The following MLXIP variants were observed in gnomAD, a reference collection of about 807,000 sequenced individuals.
MLXIP encodes the protein MLX interacting protein, also known as MLX-interacting protein.
In MLXIP, 30 loss-of-function variants were observed where a neutral mutation model predicts 87.2. That is an observed-to-expected ratio of 0.34 (90% confidence interval 0.26 to 0.47). The LOEUF (loss-of-function observed/expected upper bound fraction) is 0.47, where lower values mean the gene tolerates loss of function less well. MLXIP is among the 20% of genes least tolerant of loss of function. The pLI is 1.00. For synonymous variants in MLXIP, 530 were observed against 514.0 expected (o/e 1.03, Z -0.42); for missense variants, 1,002 against 1,240.1 (o/e 0.81, Z 2.88).
chr12:122,101,584 C>T (rs866320255), intron 1 of MLXIP, among the ~76,000 whole-genome samples: 245 of 118,648 alleles, frequency 2.1e-3, no homozygotes, highest in African/African-American at 2.7e-3. Flanking sequence ...CTTTTTTTTT[C>T]TTTTTTTTTT....
In MLXIP at chr12:122,140,946, C is replaced by T. The variant is rs751367081; in HGVS notation, c.2509-8C>T. On this transcript the variant is annotated splice_polypyrimidine_tract_variant and splice_region_variant and intron_variant, in intron 15 of 16. Coordinates refer to ENST00000319080, the MANE Select transcript of MLXIP (RefSeq NM_014938.6). ...CGTGCTTGCCTTTTCTTTAACCACA[C>T]ACTGCAGTTCAGCATCATCATCAAG... The T allele has an allele frequency of 1.2e-6, 2 of 1,614,030 alleles. No homozygotes were observed. Among genetic ancestry groups the T allele is most frequent in the East Asian group, 4.5e-5 (2 of 44,892 alleles).
intron 9 of MLXIP, chr12:122,134,363 TTTTGTTTG>T (rs565479410): frequency 4.6e-6 from 1 of 216,002 alleles, no homozygotes; most frequent in African/African-American, 2.3e-5. Context: ...CTCGGCTAAT[TTTTGTTTG>T]TTTGTTTGTT....
chr12:122,087,452 C>T (rs1277557707), intron 1 of MLXIP, among the ~76,000 whole-genome samples: 2 of 152,004 alleles, frequency 1.3e-5, no homozygotes, highest in Non-Finnish European at 2.9e-5. Context: ...GGGAGGTGAC[C>T]TTTCTGGGTG....
At chr12:122,111,971 A>T (rs1407845705) in intron 1 of MLXIP, among the ~76,000 whole-genome samples, 1 of 152,210 alleles carries the variant, frequency 6.6e-6, no homozygotes, top group African/African-American at 2.4e-5. Flanking sequence ...CTTTTAGAAT[A>T]GTTTTATTTT....
At chr12:122,094,282 CTGTG>C (rs1234753622) in intron 1 of MLXIP, among the ~76,000 whole-genome samples, 2 of 90,546 alleles carry the variant, frequency 2.2e-5, no homozygotes, top group African/African-American at 4.4e-5. Flanking sequence ...TGTGCGATGT[CTGTG>C]TGTGGTGTGA....
rs1952995452 is a variant in MLXIP at position 122,132,305 on chromosome 12, T to C, written c.1014T>C (p.Ser338=). ...GTTGTTTTTCAGACCTCTTCTCTTCTAGCCGCTCCATTTTTGGCTCCATGC... is the reference window on the plus strand; with the variant it reads ...GTTGTTTTTCAGACCTCTTCTCTTCCAGCCGCTCCATTTTTGGCTCCATGC... ...TFEPFQDLFS[S]SRSIFGSMLP... Residue 338 remains serine (S), a synonymous_variant, in exon 8 of 17, where the codon TCT becomes TCC. Transcript: ENST00000319080. 6.2e-7 allele frequency: 1 copy of C among 1,612,170 alleles called. No homozygotes were observed.
intron 1 of MLXIP, among the ~76,000 whole-genome samples, chr12:122,109,964 TC>T (rs1344129237): frequency 6.6e-6 from 1 of 152,170 alleles, no homozygotes; most frequent in Admixed American, 6.6e-5. Flanking sequence ...CAGCTATTCT[TC>T]CTTTTGCCGA....
At chr12:122,101,178 T>A (rs1156966061) in intron 1 of MLXIP, among the ~76,000 whole-genome samples, 2 of 152,206 alleles carry the variant, frequency 1.3e-5, no homozygotes, top group African/African-American at 4.8e-5. Flanking sequence ...CAAGAGGAAA[T>A]CATTCTGTGG....
At chr12:122,116,087 C>CAA (rs1224616885) in intron 1 of MLXIP, among the ~76,000 whole-genome samples, 1 of 144,446 alleles carries the variant, frequency 6.9e-6, no homozygotes, top group African/African-American at 2.5e-5. Context: ...CACACACACA[C>CAA]AACATTGACA....
chr12:122,129,718 G>A (rs1466591699), intron 5 of MLXIP, 89 bp downstream of exon 5: 18 of 1,496,654 alleles, frequency 1.2e-5, no homozygotes, highest in Non-Finnish European at 1.5e-5. Context: ...TGCAAAAGGC[G>A]GCAGGCCATG....
chr12:122,128,923 C>A (rs1341814685), intron 3 of MLXIP: 1 of 575,814 alleles, frequency 1.7e-6, no homozygotes, highest in Non-Finnish European at 3.1e-6. Context: ...CTTTGGCTAC[C>A]TTAGGTCTTG....
Position 122,135,288 on chromosome 12 carries a change from G to A in MLXIP, c.1797G>A (p.Met599Ile). Residue 599 changes from methionine (M) to isoleucine (I), a missense_variant, in exon 10 of 17, where the codon ATG becomes ATA. Coordinates refer to ENST00000319080, the MANE Select transcript of MLXIP (RefSeq NM_014938.6). This position sits in a 1 kb window ranked among gnomAD's most constrained non-coding sequence, Gnocchi z 5.3. Reference sequence around the variant, plus strand: ...CAGGGCCTCTGAAGAGAGAAGGGATGTTGGCCTCCACCGTGTCCCAGTCCA... The same window carrying A: ...CAGGGCCTCTGAAGAGAGAAGGGATATTGGCCTCCACCGTGTCCCAGTCCA... ...MTSGPLKREG[M>I]LASTVSQSNV... 6.2e-7 allele frequency: 1 copy of A among 1,613,696 alleles called. No individual in the cohort carries two copies. The highest frequency in any genetic ancestry group is 8.5e-7 in the Non-Finnish European group (1 of 1,179,888).
At chr12:122,086,923 T>G (rs1470055653) in intron 1 of MLXIP, among the ~76,000 whole-genome samples, 1 of 152,194 alleles carries the variant, frequency 6.6e-6, no homozygotes, top group Non-Finnish European at 1.5e-5. Flanking sequence ...CTTCTTGTGC[T>G]GCCGCCGGCT....
intron 6 of MLXIP, among the ~76,000 whole-genome samples, chr12:122,130,413 G>T (rs1208451788): frequency 1.3e-5 from 2 of 151,810 alleles, no homozygotes; most frequent in Admixed American, 1.3e-4. Context: ...TTCTCTTCAC[G>T]GGGTACGTGT....
intron 1 of MLXIP, among the ~76,000 whole-genome samples, chr12:122,083,763 A>G (rs1952125518): frequency 1.3e-5 from 2 of 152,252 alleles, no homozygotes; most frequent in Non-Finnish European, 2.9e-5. Flanking sequence ...CTTAAGGAGT[A>G]GCAAGGGCTA....
At chr12:122,080,502 C>G (rs1952075565) in intron 1 of MLXIP, among the ~76,000 whole-genome samples, 1 of 152,166 alleles carries the variant, frequency 6.6e-6, no homozygotes, top group Non-Finnish European at 1.5e-5. Context: ...GGATGGCACC[C>G]CCCTCACCGC....
intron 1 of MLXIP, among the ~76,000 whole-genome samples, chr12:122,121,055 G>T (rs1394072324): frequency 8.7e-6 from 1 of 115,552 alleles, no homozygotes. Context: ...CTGTCGCCAG[G>T]CTGGAATGCA....
chr12:122,139,394 C>T (rs770890556), intron 15 of MLXIP, among the ~76,000 whole-genome samples: 31 of 152,210 alleles, frequency 2.0e-4, no homozygotes, highest in Admixed American at 1.2e-3. Context: ...AGCATGTCCA[C>T]CTCTAGGGGC....
chr12:122,092,913 G>GA (rs1952267976), intron 1 of MLXIP, among the ~76,000 whole-genome samples: 2 of 145,358 alleles, frequency 1.4e-5, no homozygotes, highest in East Asian at 4.0e-4. Context: ...GTGTTGTTGT[G>GA]TGTGATGTGT....
Sources: gnomAD v4.1 joint callset for allele counts (sites outside exome capture counted in the v4.1 genomes callset) on GRCh38, gnomAD v4.1.1 for gene constraint, Gnocchi (gnomAD v3.1) non-coding constraint, MANE v1.5 for transcripts, NCBI Gene and HGNC (gene_info 2026-07-23, HGNC 2026-07-21) for gene names.